EP400: variants seen among roughly 807,000 people sequenced by gnomAD.
The protein encoded by EP400 is E1A binding protein p400, also known as E1A-binding protein p400.
Under a neutral mutation model 354.1 loss-of-function variants are expected in EP400, and 105 were observed. The observed-to-expected ratio is 0.30, with a 90% CI of 0.25 to 0.35. EP400 has a LOEUF of 0.35. Among genes scored for constraint, EP400 ranks in the 10% least tolerant of loss-of-function variants. EP400 has a pLI of 1.00. For missense variants in EP400, 3,280 were observed against 4,121.0 expected (o/e 0.80, Z 5.59); for synonymous variants, 1,646 against 1,716.9 (o/e 0.96, Z 1.02).
At chr12:132,011,211 A>C (rs2093127671) in intron 15 of EP400, among the ~76,000 whole-genome samples, 1 of 152,112 alleles carries the variant, frequency 6.6e-6, no homozygotes, top group Non-Finnish European at 1.5e-5. Flanking sequence ...GGTTTGAATG[A>C]ACACTAGTGT....
intron 7 of EP400, among the ~76,000 whole-genome samples, chr12:131,989,653 G>A (rs1279671199): frequency 1.3e-5 from 2 of 152,340 alleles, no homozygotes; most frequent in South Asian, 2.1e-4. Flanking sequence ...TTATTGAATG[G>A]AGAGATGTTA....
chr12:132,042,876 C>T lies in EP400; in HGVS notation c.6208-428C>T, dbSNP rs1038447198. 2.0e-5 allele frequency among the ~76,000 whole-genome samples: 3 copies of T among 152,192 alleles called. No homozygotes were observed. The South Asian group carries it at 6.2e-4, about 32-fold the overall frequency. ...CCGGCTGCTGTAACGTTGGGCTGTCCGTCTGCTGTCTGTTTCCTGGACAGC... is the reference window on the plus strand; with the variant it reads ...CCGGCTGCTGTAACGTTGGGCTGTCTGTCTGCTGTCTGTTTCCTGGACAGC... On this transcript the variant is annotated intron_variant, in intron 32 of 52. Coordinates refer to ENST00000389561, the MANE Select transcript of EP400 (RefSeq NM_015409.5).
chr12:132,043,493 AT>A, intron 33 of EP400, 31 bp downstream of exon 33: 1 of 1,598,330 alleles, frequency 6.3e-7, no homozygotes, highest in South Asian at 1.1e-5. Context: ...ACAACTACAT[AT>A]TTTAAAAATT....
Position 132,052,163 on chromosome 12 carries a change from G to T in EP400, c.7395-983G>T, listed in dbSNP as rs1248606524. Among the ~76,000 whole-genome samples, 1 of 152,178 alleles carries T rather than the reference G, an allele frequency of 6.6e-6. No individual in the cohort carries two copies. The highest frequency in any genetic ancestry group is 1.5e-5 in the Non-Finnish European group (1 of 68,026). ...TAATCATATCTAAGATCTATATCTG[G>T]TATAACTATTCTTGTTTTATATTTT... On this transcript the variant is annotated intron_variant, in intron 41 of 52. Transcript: ENST00000389561. The surrounding 1 kb of genome is among the most constrained non-coding windows in gnomAD (Gnocchi z 4.4).
chr12:132,014,964 G>C (rs1893880285), intron 19 of EP400, among the ~76,000 whole-genome samples: 1 of 152,094 alleles, frequency 6.6e-6, no homozygotes, highest in Admixed American at 6.6e-5. Context: ...CTCTGCTCTG[G>C]GTCTCCTTCT....
intron 2 of EP400, among the ~76,000 whole-genome samples, chr12:131,969,973 C>T (rs1463260137): frequency 6.6e-6 from 1 of 152,098 alleles, no homozygotes; most frequent in Admixed American, 6.5e-5. Flanking sequence ...TGCTTGAACT[C>T]GGGAGGCAGA....
In EP400 at chr12:132,075,987, G is replaced by A. The variant is rs1896224292; in HGVS notation, c.9022-529G>A. The A allele has an allele frequency of 9.5e-6, 2 of 210,258 alleles. No individual in the cohort carries two copies. The highest frequency in any genetic ancestry group is 1.6e-4 in the South Asian group (2 of 12,876). The allele number at this position is 210,258 out of a possible 1,614,324, so 13.0% of individuals were successfully genotyped here. ...CAAGTGCACAGAAAGTGGGCACTGGGTGGAAAGTGTTGCTTTATAAATAGC... is the reference window on the plus strand; with the variant it reads ...CAAGTGCACAGAAAGTGGGCACTGGATGGAAAGTGTTGCTTTATAAATAGC... On this transcript the variant is annotated intron_variant, in intron 51 of 52. Coordinates refer to ENST00000389561, the MANE Select transcript of EP400 (RefSeq NM_015409.5). The surrounding 1 kb of genome is among the most constrained non-coding windows in gnomAD (Gnocchi z 4.5).
At chr12:132,039,414 A>T (rs546864453) in intron 32 of EP400, among the ~76,000 whole-genome samples, 6 of 152,126 alleles carry the variant, frequency 3.9e-5, no homozygotes. Flanking sequence ...GAGAGGGAGC[A>T]AGGGGCAGGC....
At chr12:132,002,792 A>C (rs767241519) in intron 12 of EP400, among the ~76,000 whole-genome samples, 1 of 152,208 alleles carries the variant, frequency 6.6e-6, no homozygotes, top group Non-Finnish European at 1.5e-5. Context: ...ACCAGGAGTG[A>C]ACACCAGGAG....
chr12:131,973,882 G>A (rs1000960725), intron 2 of EP400, among the ~76,000 whole-genome samples: 1 of 151,814 alleles, frequency 6.6e-6, no homozygotes, highest in Non-Finnish European at 1.5e-5. Flanking sequence ...CCTGATTGGA[G>A]CATTTTTTTC....
intron 32 of EP400, among the ~76,000 whole-genome samples, chr12:132,039,222 TG>T (rs1894813883): frequency 6.6e-6 from 1 of 152,236 alleles, no homozygotes; most frequent in South Asian, 2.1e-4. Flanking sequence ...TCTCTTAGTC[TG>T]TCTGTGTTGC....
chr12:132,054,978 G>T lies in EP400; in HGVS notation c.7733G>T (p.Gly2578Val). ...TTGGSAAVLA[G>V]TIKTSVTGTS... ...GGATTTTTTTTTTTTAAATAGGCAG[G>T]AACCATTAAAACATCAGTTACTGGG... Residue 2578 changes from glycine to valine, a missense_variant, in exon 44 of 53, where the codon GGA becomes GTA. Physicochemically the swap from Gly to Val is moderately radical, Grantham distance 109. Transcript: ENST00000389561. This position sits in a 1 kb window ranked among gnomAD's most constrained non-coding sequence, Gnocchi z 4.0. 1 of 1,613,876 alleles carries T rather than the reference G, an allele frequency of 6.2e-7. No individual in the cohort carries two copies. The highest frequency in any genetic ancestry group is 8.5e-7 in the Non-Finnish European group (1 of 1,179,908).
chr12:131,998,175 T>G (rs1737858308), intron 12 of EP400, among the ~76,000 whole-genome samples: 1 of 152,230 alleles, frequency 6.6e-6, no homozygotes, highest in Non-Finnish European at 1.5e-5. Flanking sequence ...CACACTGTCT[T>G]TCTTACTATA....
chr12:132,031,163 A>G (rs1395992399), intron 29 of EP400: 1 of 476,068 alleles, frequency 2.1e-6, no homozygotes, highest in African/African-American at 2.0e-5. Flanking sequence ...TATTCAAGTC[A>G]TCTCCCTTCA....
intron 33 of EP400, 37 bp from the exon 34 acceptor site, chr12:132,043,608 C>A: frequency 6.3e-7 from 1 of 1,586,434 alleles, no homozygotes; most frequent in Non-Finnish European, 8.6e-7. Context: ...TATTAACTTG[C>A]TATTAACCCT....
At chr12:132,058,605 C>CT (rs1162437204) in intron 45 of EP400, among the ~76,000 whole-genome samples, 1 of 152,060 alleles carries the variant, frequency 6.6e-6, no homozygotes, top group African/African-American at 2.4e-5. Flanking sequence ...CCACCTCAGC[C>CT]TCCCAAAGTG....
Position 132,005,135 on chromosome 12 carries a change from T to A in EP400, c.2886T>A (p.Ser962=). ...ACGAAGGCGCCTTCCTGCCGAGTTC[T>A]CAGTGGCCCCGGCCGAAGCCTGATG... ...KLYEGAFLPS[S]QWPRPKPDGE... is the part of the protein sequence containing the mutation. The change falls in exon 13 of 53, where the codon TCT becomes TCA. Residue 962 remains serine, a synonymous_variant. Transcript: ENST00000389561. The A allele has an allele frequency of 6.3e-7, 1 of 1,589,604 alleles. No homozygotes were observed. The highest frequency in any genetic ancestry group is 2.3e-5 in the East Asian group (1 of 44,018).
At chr12:132,024,696 T>C (rs572420996) in intron 24 of EP400, among the ~76,000 whole-genome samples, 6 of 133,748 alleles carry the variant, frequency 4.5e-5, no homozygotes, top group Non-Finnish European at 8.1e-5. Flanking sequence ...TCCCCCACCT[T>C]CCTCGACAGC....
intron 2 of EP400, among the ~76,000 whole-genome samples, chr12:131,972,046 G>T (rs1892301991): frequency 6.6e-6 from 1 of 152,174 alleles, no homozygotes; most frequent in Non-Finnish European, 1.5e-5. Context: ...CAGACTTGCG[G>T]CAGGTGACAG....
Sources: allele counts gnomAD v4.1 joint callset (sites outside exome capture counted in the v4.1 genomes callset), GRCh38; gene constraint gnomAD v4.1.1; non-coding constraint Gnocchi (gnomAD v3.1); transcripts MANE v1.5; gene names NCBI Gene and HGNC (gene_info 2026-07-23, HGNC 2026-07-21).